Variants in KCNIP4 observed in about 807,000 individuals in gnomAD.
The protein encoded by KCNIP4 is potassium voltage-gated channel interacting protein 4, also known as Kv channel-interacting protein 4.
A neutral mutation model predicts 34.0 loss-of-function variants in KCNIP4; 12 were observed. That is an observed-to-expected ratio of 0.35 (90% CI 0.23 to 0.57). The LOEUF (loss-of-function observed/expected upper bound fraction) is 0.57. Among genes scored for constraint, KCNIP4 ranks in the 20% least tolerant of loss-of-function variants. The pLI, the probability that KCNIP4 is intolerant of heterozygous loss-of-function variation, is 0.83. For synonymous variants in KCNIP4, 124 were observed against 102.2 expected, an observed-to-expected ratio of 1.21 and a Z score of -1.29; for missense variants, 238 against 311.7, an observed-to-expected ratio of 0.76 and a Z score of 1.78.
chr4:21,738,136 TAATA>T (rs1553926388), intron 1 of KCNIP4, among the ~76,000 whole-genome samples: 2 of 96,730 alleles, frequency 2.1e-5, no homozygotes, highest in Admixed American at 9.2e-5. Flanking sequence ...AATAAATAAA[TAATA>T]AATAAAAGGC....
intron 1 of KCNIP4, among the ~76,000 whole-genome samples, chr4:21,736,727 T>A (rs1289452820): frequency 6.6e-6 from 1 of 152,182 alleles, no homozygotes; most frequent in Admixed American, 6.5e-5. Context: ...ACAGCAAGAA[T>A]CCTATGACAT....
At chr4:21,862,462 G>A (rs1230380073) in intron 1 of KCNIP4, among the ~76,000 whole-genome samples, 2 of 152,148 alleles carry the variant, frequency 1.3e-5, no homozygotes, top group East Asian at 3.8e-4. Context: ...ATCAAATGAT[G>A]GTAACTGCCA....
chr4:21,041,363 C>G (rs868810760), intron 1 of KCNIP4, among the ~76,000 whole-genome samples: 11 of 152,124 alleles, frequency 7.2e-5, no homozygotes, highest in Admixed American at 7.2e-4. Context: ...GTATTGTGTG[C>G]ACTCTATCTG....
chr4:21,605,869 G>A (rs979977896), intron 1 of KCNIP4, among the ~76,000 whole-genome samples: 7 of 152,138 alleles, frequency 4.6e-5, no homozygotes, highest in African/African-American at 1.7e-4. Flanking sequence ...TCAAAAAAAT[G>A]GGGTGGGAGG....
intron 1 of KCNIP4, among the ~76,000 whole-genome samples, chr4:21,881,962 C>T (rs1578106062): frequency 2.6e-5 from 4 of 152,196 alleles, no homozygotes; most frequent in Non-Finnish European, 4.4e-5. Flanking sequence ...AAAGATACTA[C>T]GCATGGAAAA....
At chr4:20,784,499 T>C (rs934059272) in intron 3 of KCNIP4, among the ~76,000 whole-genome samples, 3 of 152,206 alleles carry the variant, frequency 2.0e-5, no homozygotes, top group African/African-American at 4.8e-5. Context: ...TAGCCAAATT[T>C]AGGATGACTT....
intron 1 of KCNIP4, among the ~76,000 whole-genome samples, chr4:21,119,556 C>G (rs942210316): frequency 6.6e-6 from 1 of 151,338 alleles, no homozygotes; most frequent in African/African-American, 2.4e-5. Flanking sequence ...AAATAACTAG[C>G]GTAACCAAAC....
intron 1 of KCNIP4, among the ~76,000 whole-genome samples, chr4:21,935,830 T>C (rs1729832049): frequency 6.6e-6 from 1 of 152,086 alleles, no homozygotes; most frequent in African/African-American, 2.4e-5. Context: ...TCATATGCAT[T>C]AATTCAGTTA....
intron 2 of KCNIP4, among the ~76,000 whole-genome samples, chr4:20,873,921 C>G (rs574431383): frequency 1.1e-4 from 17 of 152,192 alleles, no homozygotes; most frequent in African/African-American, 4.1e-4. Context: ...TCCTTTTTTT[C>G]CCCTCTGATG....
intron 1 of KCNIP4, among the ~76,000 whole-genome samples, chr4:21,637,546 A>G (rs985866531): frequency 2.0e-5 from 3 of 151,986 alleles, no homozygotes; most frequent in Non-Finnish European, 4.4e-5. Flanking sequence ...ACTTTGGGAG[A>G]CTGAGGCGGG....
intron 1 of KCNIP4, among the ~76,000 whole-genome samples, chr4:21,187,911 C>A (rs1273567880): frequency 6.6e-6 from 1 of 152,174 alleles, no homozygotes; most frequent in African/African-American, 2.4e-5. Flanking sequence ...CTTTACTAGA[C>A]AGATAACTTT....
At chr4:21,168,915 G>A (rs770550551) in intron 1 of KCNIP4, among the ~76,000 whole-genome samples, 5 of 152,082 alleles carry the variant, frequency 3.3e-5, no homozygotes, top group Admixed American at 6.6e-5. Flanking sequence ...GTATCTCGAA[G>A]CATCTGCCAA....
intron 1 of KCNIP4, among the ~76,000 whole-genome samples, chr4:21,310,414 T>C (rs1713022738): frequency 6.6e-6 from 1 of 151,950 alleles, no homozygotes; most frequent in Non-Finnish European, 1.5e-5. Flanking sequence ...TCCTGGAAAG[T>C]TTCTTCCCCT....
chr4:21,031,007 G>C (rs1740975954), intron 1 of KCNIP4, among the ~76,000 whole-genome samples: 1 of 152,184 alleles, frequency 6.6e-6, no homozygotes, highest in African/African-American at 2.4e-5. Flanking sequence ...TCAAAGGAGA[G>C]AGCATGGCAT....
intron 1 of KCNIP4, among the ~76,000 whole-genome samples, chr4:21,761,016 G>A (rs1031891038): frequency 1.3e-5 from 2 of 152,088 alleles, no homozygotes; most frequent in African/African-American, 2.4e-5. Context: ...ATTAAATAAC[G>A]TTTTGCACTT....
rs532121764 is a variant in KCNIP4 at position 21,764,584 on chromosome 4, C to T, written c.61+183987G>A. ...AGAAACCGGACTATATAAACCACTG[C>T]CAGCTAATGCATGTCTCCCAGAAGA... On this transcript the variant is annotated intron_variant, in intron 1 of 8. Coordinates refer to ENST00000382152, the MANE Select transcript of KCNIP4 (RefSeq NM_025221.6). Among the ~76,000 whole-genome samples, 38 of 152,168 alleles carry T rather than the reference C, an allele frequency of 2.5e-4. 1 individual carries two copies. Among genetic ancestry groups the T allele is most frequent in the African/African-American group, 8.7e-4 (36 of 41,538 alleles).
intron 1 of KCNIP4, among the ~76,000 whole-genome samples, chr4:21,711,697 A>G (rs1351115267): frequency 6.6e-6 from 1 of 152,306 alleles, no homozygotes; most frequent in Admixed American, 6.5e-5. Context: ...ACTGTTTTTC[A>G]TATTGTTTTT....
At chr4:21,118,134 G>A (rs936150740) in intron 1 of KCNIP4, among the ~76,000 whole-genome samples, 2 of 152,098 alleles carry the variant, frequency 1.3e-5, no homozygotes, top group Non-Finnish European at 1.5e-5. Context: ...TCATGCTGAG[G>A]TTTGTGAACC....
intron 3 of KCNIP4, among the ~76,000 whole-genome samples, chr4:20,802,841 G>T (rs1443176192): frequency 6.6e-6 from 1 of 151,986 alleles, no homozygotes; most frequent in Non-Finnish European, 1.5e-5. Flanking sequence ...TTGGGAGGCC[G>T]AGGCGGGCGG....
Sources: allele counts gnomAD v4.1 joint callset (sites outside exome capture counted in the v4.1 genomes callset), GRCh38; gene constraint gnomAD v4.1.1; transcripts MANE v1.5; gene names NCBI Gene and HGNC (gene_info 2026-07-23, HGNC 2026-07-21).